The following GALNT13 variants were observed in gnomAD, a reference collection of about 807,000 sequenced individuals.
The protein encoded by GALNT13 is polypeptide N-acetylgalactosaminyltransferase 13, also known as UDP-GalNAc:polypeptide N-acetylgalactosaminyltransferase 13.
Under a neutral mutation model 64.2 loss-of-function variants are expected in GALNT13, and 28 were observed. That is an observed-to-expected ratio of 0.44 (90% CI 0.32 to 0.60). GALNT13 has a LOEUF of 0.60. Ranked by LOEUF, GALNT13 falls within the 20% of genes least tolerant of loss-of-function variation. The probability of loss-of-function intolerance (pLI) is 0.05; values close to 1 mark genes in which losing one functional copy is unlikely to be tolerated. For missense variants in GALNT13, 577 were observed against 669.8 expected (o/e 0.86, Z 1.53); for synonymous variants, 214 against 224.6 (o/e 0.95, Z 0.42).
chr2:153,612,727 T>C, the GALNT13 span, among the ~76,000 whole-genome samples: 1 of 152,130 alleles, frequency 6.6e-6, no homozygotes, highest in African/African-American at 2.4e-5. Context: ...AAAATGATCT[T>C]TTAGAAATAT....
At chr2:154,009,802 G>T (rs982727084) in intron 3 of GALNT13, among the ~76,000 whole-genome samples, 5 of 152,132 alleles carry the variant, frequency 3.3e-5, no homozygotes, top group African/African-American at 1.2e-4. Flanking sequence ...AGCATGGAAT[G>T]CTTTTCCTTT....
At chr2:153,853,853 G>T in the GALNT13 span, among the ~76,000 whole-genome samples, 1 of 151,572 alleles carries the variant, frequency 6.6e-6, no homozygotes, top group African/African-American at 2.4e-5. Context: ...GGTTTCCTAG[G>T]AATGTAAATA....
At chr2:153,139,705 C>T in the GALNT13 span, among the ~76,000 whole-genome samples, 1 of 151,904 alleles carries the variant, frequency 6.6e-6, no homozygotes, top group Non-Finnish European at 1.5e-5. Context: ...GGTCATGCCA[C>T]GTGTCTGGCA....
At chr2:153,288,157 T>G in the GALNT13 span, among the ~76,000 whole-genome samples, 22,707 of 152,204 alleles carry the variant, frequency 0.15, 2,107 homozygotes, top group Non-Finnish European at 0.21. Context: ...CTCACGCATG[T>G]GCAAAGATTT....
At chr2:153,125,465 C>A in the GALNT13 span, among the ~76,000 whole-genome samples, 1 of 152,138 alleles carries the variant, frequency 6.6e-6, no homozygotes, top group Non-Finnish European at 1.5e-5. Flanking sequence ...AGTCTGAGAG[C>A]GTTAATGGAA....
At chr2:154,056,443 A>G (rs1008835957) in intron 3 of GALNT13, among the ~76,000 whole-genome samples, 24 of 152,206 alleles carry the variant, frequency 1.6e-4, no homozygotes, top group African/African-American at 5.1e-4. Context: ...TAGCTGATCA[A>G]TTTAAATGCC....
At chr2:153,168,704 C>T in the GALNT13 span, among the ~76,000 whole-genome samples, 1 of 152,168 alleles carries the variant, frequency 6.6e-6, no homozygotes, top group Non-Finnish European at 1.5e-5. Context: ...ATATACCTAT[C>T]TCCCATGATT....
At chr2:153,302,209 A>G in the GALNT13 span, among the ~76,000 whole-genome samples, 2 of 152,068 alleles carry the variant, frequency 1.3e-5, no homozygotes, top group South Asian at 2.1e-4. Flanking sequence ...ATCCTCATCA[A>G]TGTTATCTTT....
chr2:154,118,974 A>T (rs1275375642), intron 3 of GALNT13, among the ~76,000 whole-genome samples: 1 of 152,148 alleles, frequency 6.6e-6, no homozygotes, highest in African/African-American at 2.4e-5. Flanking sequence ...AAATTGCATT[A>T]CACACCTTAC....
the GALNT13 span, among the ~76,000 whole-genome samples, chr2:153,196,507 C>G: frequency 6.6e-6 from 1 of 152,144 alleles, no homozygotes; most frequent in African/African-American, 2.4e-5. Context: ...AGTCGACACT[C>G]CCAAGCCTGT....
the GALNT13 span, among the ~76,000 whole-genome samples, chr2:153,709,651 A>G: frequency 6.6e-6 from 1 of 152,068 alleles, no homozygotes; most frequent in African/African-American, 2.4e-5. Context: ...TATTTACCCA[A>G]AAGATTTGAA....
chr2:153,784,930 G>T, the GALNT13 span, among the ~76,000 whole-genome samples: 26 of 152,154 alleles, frequency 1.7e-4, no homozygotes. Flanking sequence ...GGACTGAAGT[G>T]GTCCCCTGTC....
chr2:153,353,779 T>C, the GALNT13 span, among the ~76,000 whole-genome samples: 7 of 152,184 alleles, frequency 4.6e-5, no homozygotes, highest in African/African-American at 1.7e-4. Flanking sequence ...GAACAAGTCT[T>C]ACATACCTGG....
chr2:153,784,074 A>C, the GALNT13 span, among the ~76,000 whole-genome samples: 1 of 152,158 alleles, frequency 6.6e-6, no homozygotes, highest in Non-Finnish European at 1.5e-5. Flanking sequence ...AACAGTTCAG[A>C]GGGCTTAGAA....
the GALNT13 span, among the ~76,000 whole-genome samples, chr2:153,167,945 G>T: frequency 6.6e-6 from 1 of 152,162 alleles, no homozygotes; most frequent in African/African-American, 2.4e-5. Context: ...CTCAGGGCGA[G>T]AAACCAAGTC....
chr2:154,135,419 G>A (rs752032441), intron 3 of GALNT13, among the ~76,000 whole-genome samples: 10 of 152,108 alleles, frequency 6.6e-5, no homozygotes, highest in Admixed American at 3.3e-4. Flanking sequence ...GCCGGGGCTT[G>A]CTATTTACAA....
At chr2:153,541,755 G>T in the GALNT13 span, among the ~76,000 whole-genome samples, 1 of 152,166 alleles carries the variant, frequency 6.6e-6, no homozygotes, top group African/African-American at 2.4e-5. Flanking sequence ...TCCCCACTCA[G>T]TTATTAGCAT....
intron 9 of GALNT13, among the ~76,000 whole-genome samples, chr2:154,342,765 A>G (rs1695843643): frequency 6.6e-6 from 1 of 151,934 alleles, no homozygotes; most frequent in Admixed American, 6.6e-5. Flanking sequence ...ACTGGTTTAT[A>G]CAATTTTATA....
At chr2:153,675,831 C>T in the GALNT13 span, among the ~76,000 whole-genome samples, 2 of 152,046 alleles carry the variant, frequency 1.3e-5, no homozygotes, top group Non-Finnish European at 2.9e-5. Flanking sequence ...ATCAAAGATA[C>T]AACTTACCAA....
Sources: allele counts gnomAD v4.1 joint callset (sites outside exome capture counted in the v4.1 genomes callset), GRCh38; gene constraint gnomAD v4.1.1; transcripts MANE v1.5; gene names NCBI Gene and HGNC (gene_info 2026-07-23, HGNC 2026-07-21).